The following ABCF3 variants were observed in gnomAD, a reference collection of about 807,000 sequenced individuals.
The protein encoded by ABCF3 is ATP binding cassette subfamily F member 3.
A neutral mutation model predicts 94.3 loss-of-function variants in ABCF3; 62 were observed. That is an observed-to-expected ratio of 0.66 (90% CI 0.54 to 0.81). The LOEUF (loss-of-function observed/expected upper bound fraction) is 0.81. Among genes scored for constraint, ABCF3 ranks in the 40% least tolerant of loss-of-function variants. The pLI, the probability that ABCF3 is intolerant of heterozygous loss-of-function variation, is 0.00. For missense variants in ABCF3, 843 were observed against 925.3 expected (o/e 0.91, Z 1.15); for synonymous variants, 355 against 361.1 (o/e 0.98, Z 0.19).
In ABCF3 at chr3:184,187,295, T is replaced by C. The variant is rs560519372; in HGVS notation, c.302-102T>C. On this transcript the variant is annotated intron_variant, in intron 3 of 20. Coordinates refer to ENST00000429586, the MANE Select transcript of ABCF3 (RefSeq NM_018358.3). ...ATCTATCTGCAGTATTATAAGGTTTTGTAGAAAACATCTGTGTCTGTGCCT... is the reference window on the plus strand; with the variant it reads ...ATCTATCTGCAGTATTATAAGGTTTCGTAGAAAACATCTGTGTCTGTGCCT... The C allele has an allele frequency of 5.0e-5, 68 of 1,347,324 alleles. No homozygotes were observed. The African/African-American group carries it at 8.7e-4, about 17-fold the overall frequency. The allele number at this position is 1,347,324 out of a possible 1,614,324, so 83.5% of individuals were successfully genotyped here.
Position 184,188,853 on chromosome 3 carries a change from T to G in ABCF3, c.917+12T>G, listed in dbSNP as rs1430873855. 3 of 1,613,816 alleles carry G rather than the reference T, an allele frequency of 1.9e-6. No individual in the cohort carries two copies. Among genetic ancestry groups the G allele is most frequent in the Non-Finnish European group, 2.5e-6 (3 of 1,179,896 alleles). On this transcript the variant is annotated intron_variant, in intron 8 of 20. Coordinates refer to ENST00000429586, the MANE Select transcript of ABCF3 (RefSeq NM_018358.3). ...AAGGCACCTGCCAGGTATTTAAAGCTCCCCCTCCCTCCTTCAGATTTCCTT... is the reference window on the plus strand; with the variant it reads ...AAGGCACCTGCCAGGTATTTAAAGCGCCCCCTCCCTCCTTCAGATTTCCTT...
At chr3:184,190,084 T>C in intron 14 of ABCF3, 153 bp downstream of exon 14, 1 of 780,410 alleles carries the variant, frequency 1.3e-6, no homozygotes, top group South Asian at 1.7e-5. Flanking sequence ...TATTCCACAC[T>C]GTTCTTGGAG....
At position 184,189,949 on chromosome 3, in the gene ABCF3, G is replaced by A. The variant is rs1715911729; in HGVS notation, c.1391+18G>A. 6.2e-7 allele frequency: 1 copy of A among 1,613,592 alleles called. No individual in the cohort carries two copies. The highest frequency in any genetic ancestry group is 1.3e-5 in the African/African-American group (1 of 75,032). On this transcript the variant is annotated intron_variant, in intron 14 of 20. Coordinates refer to ENST00000429586, the MANE Select transcript of ABCF3 (RefSeq NM_018358.3). ...GAGAAGCTGTGAGTACAGCATCCTT[G>A]GCCAGGGCCTGACTCCTGTTCTCTT...
At position 184,189,766 on chromosome 3, in the gene ABCF3, C is replaced by T; in HGVS notation, c.1314+9C>T. 1 of 1,613,832 alleles carries T rather than the reference C, an allele frequency of 6.2e-7. No individual in the cohort carries two copies. The highest frequency in any genetic ancestry group is 1.6e-4 in the Middle Eastern group (1 of 6,062). Reference sequence around the variant, plus strand: ...ATCGCCAGCACATCCAGGTGTGGGGCCTGGCAGGGCTGGGGGTCCCATCCC... The same window carrying T: ...ATCGCCAGCACATCCAGGTGTGGGGTCTGGCAGGGCTGGGGGTCCCATCCC... On this transcript the variant is annotated intron_variant, in intron 13 of 20. Coordinates refer to ENST00000429586, the MANE Select transcript of ABCF3 (RefSeq NM_018358.3).
intron 1 of ABCF3, 95 bp downstream of exon 1, chr3:184,186,375 T>A: frequency 6.3e-7 from 1 of 1,590,830 alleles, no homozygotes; most frequent in East Asian, 2.2e-5. Context: ...GCCAGGCCTC[T>A]CCTCTGCATG....
chr3:184,189,761 TG>T lies in ABCF3; in HGVS notation c.1314+8del. The T allele has an allele frequency of 8.7e-6, 14 of 1,613,838 alleles. No homozygotes were observed. Among genetic ancestry groups the T allele is most frequent in the Non-Finnish European group, 1.0e-5 (12 of 1,179,968 alleles). On this transcript the variant is annotated splice_donor_5th_base_variant and intron_variant, in intron 13 of 20. Coordinates refer to ENST00000429586, the MANE Select transcript of ABCF3 (RefSeq NM_018358.3). ...GCAGTATCGCCAGCACATCCAGGTG[TG>T]GGGCCTGGCAGGGCTGGGGGTCCCA...
rs1394651289 is a variant in ABCF3, at chr3:184,189,035, C to T, written c.977+47C>T. 4.3e-6 allele frequency: 7 copies of T among 1,614,200 alleles called. No homozygotes were observed. In the South Asian group the frequency reaches 7.7e-5, roughly 18 times the overall value. The stretch of plus-strand genomic sequence containing the variant: ...TGGCTTTGAACCCTGTTGTCTCAGC[C>T]CCTTCCTGCCCTGATGAACACCCAC... On this transcript the variant is annotated intron_variant, in intron 9 of 20. Transcript: ENST00000429586.
At chr3:184,188,662 A>T in intron 7 of ABCF3, 99 bp from the exon 8 acceptor site, 2 of 1,276,490 alleles carry the variant, frequency 1.6e-6, no homozygotes, top group East Asian at 2.5e-5. Flanking sequence ...TTCCTCTTCC[A>T]GCCACAAGGT....
Position 184,187,907 on chromosome 3 carries a change from A to G in ABCF3, c.493A>G (p.Ser165Gly). The G allele has an allele frequency of 6.2e-7, 1 of 1,614,146 alleles. No individual in the cohort carries two copies. Among genetic ancestry groups the G allele is most frequent in the Non-Finnish European group, 8.5e-7 (1 of 1,180,036 alleles). Residue 165 changes from serine (S) to glycine (G), a missense_variant, in exon 6 of 21, where the codon AGT becomes GGT. Ser to Gly is a moderately conservative substitution (Grantham distance 56, BLOSUM62 0). Coordinates refer to ENST00000429586, the MANE Select transcript of ABCF3 (RefSeq NM_018358.3). ...SASQAGSRKE[S>G]RLESSGKNKS... The stretch of plus-strand genomic sequence containing the variant: ...CAGCCAGGCAGGCAGCAGAAAGGAG[A>G]GTCGGTTGGAATCATCTGGCAAGAA...
chr3:184,187,493 T>G (rs1037284085), intron 4 of ABCF3, 50 bp downstream of exon 4: 1 of 1,583,888 alleles, frequency 6.3e-7, no homozygotes, highest in South Asian at 1.1e-5. Context: ...GGGTTGGGAG[T>G]TGACTGTCTA....
intron 14 of ABCF3, 68 bp downstream of exon 14, chr3:184,189,999 A>C (rs1577068077): frequency 7.1e-6 from 11 of 1,539,272 alleles, no homozygotes; most frequent in East Asian, 6.8e-5. Flanking sequence ...TTTGCACGCC[A>C]CCCTTGCCCT....
intron 16 of ABCF3, 95 bp downstream of exon 16, chr3:184,191,350 G>A: frequency 6.3e-7 from 1 of 1,580,846 alleles, no homozygotes; most frequent in Non-Finnish European, 8.6e-7. Context: ...AAAGGGACGA[G>A]GTCTGTGGAA....
Position 184,193,819 on chromosome 3 carries a change from A to C in ABCF3, c.*121A>C. On this transcript the variant is annotated 3_prime_UTR_variant, in exon 21 of 21. Coordinates refer to ENST00000429586, the MANE Select transcript of ABCF3 (RefSeq NM_018358.3). The surrounding 1 kb of genome is among the most constrained non-coding windows in gnomAD (Gnocchi z 5.2). ...AACTTGGGGACAGCCTTATTCCCAA[A>C]TGTCTCTATCCTTTTGACTGGAGCA... 8.2e-7 allele frequency: 1 copy of C among 1,216,412 alleles called. No homozygotes were observed. The highest frequency in any genetic ancestry group is 1.1e-6 in the Non-Finnish European group (1 of 889,920). The allele number at this position is 1,216,412 out of a possible 1,614,324, so 75.4% of individuals were successfully genotyped here.
At position 184,191,105 on chromosome 3, in the gene ABCF3, C is replaced by T. The variant is rs780901633; in HGVS notation, c.1437-18C>T. 1.4e-5 allele frequency: 22 copies of T among 1,614,246 alleles called. No homozygotes were observed. The highest frequency in any genetic ancestry group is 1.9e-5 in the Non-Finnish European group (22 of 1,180,046). On this transcript the variant is annotated intron_variant, in intron 15 of 20. Transcript: ENST00000429586. The stretch of plus-strand genomic sequence containing the variant: ...TTGCTTCCAGCTGCCCCCACATCCT[C>T]ACCCCTACCTCCTGCAGGTTCCCTG...
rs751171706 is a variant in ABCF3, at chr3:184,186,620, G to T, written c.187G>T (p.Ala63Ser). The change falls in exon 2 of 21, where the codon GCC becomes TCC. Residue 63 changes from alanine (A) to serine (S), a missense_variant. Transcript: ENST00000429586. ...GDSKDDAGIRAVCQRMYNTLR... is the reference protein window; with the variant it reads ...GDSKDDAGIRSVCQRMYNTLR... ...CAGCAAGGATGACGCGGGCATCAGG[G>T]CCGTGTGCCAGCGCATGTACAACAC... is the stretch of plus-strand genomic sequence containing the variant. The T allele has an allele frequency of 6.2e-7, 1 of 1,613,252 alleles. No individual in the cohort carries two copies. The highest frequency in any genetic ancestry group is 8.5e-7 in the Non-Finnish European group (1 of 1,179,544).
At chr3:184,191,698 C>G (rs1293705827) in intron 16 of ABCF3, among the ~76,000 whole-genome samples, 1 of 147,052 alleles carries the variant, frequency 6.8e-6, no homozygotes, top group East Asian at 2.0e-4. Flanking sequence ...TTAGCAAATA[C>G]TCAAGTATTG....
chr3:184,192,363 C>A (rs1049882563), intron 16 of ABCF3, among the ~76,000 whole-genome samples: 1 of 151,988 alleles, frequency 6.6e-6, no homozygotes, highest in African/African-American at 2.4e-5. Flanking sequence ...GCTGTAGAAC[C>A]CTAGAACTTA....
At chr3:184,192,995 C>A (rs1394341610) in intron 18 of ABCF3, 99 bp downstream of exon 18, 6 of 1,562,720 alleles carry the variant, frequency 3.8e-6, no homozygotes, top group Non-Finnish European at 5.2e-6. Flanking sequence ...TGCAGAGCAG[C>A]CCCGCCAAGC....
chr3:184,186,769 C>G (rs1715649910), intron 2 of ABCF3, 27 bp from the exon 3 acceptor site: 7 of 1,608,746 alleles, frequency 4.4e-6, no homozygotes, highest in Non-Finnish European at 5.9e-6. Flanking sequence ...ACTCCTAACT[C>G]TGCGCTTTCT....
Sources: allele counts gnomAD v4.1 joint callset (sites outside exome capture counted in the v4.1 genomes callset), GRCh38; gene constraint gnomAD v4.1.1; non-coding constraint Gnocchi (gnomAD v3.1); transcripts MANE v1.5; gene names NCBI Gene and HGNC (gene_info 2026-07-23, HGNC 2026-07-21).